The following EPSTI1 variants were observed in gnomAD, a reference collection of about 807,000 sequenced individuals.
The protein encoded by EPSTI1 is epithelial-stromal interaction protein 1.
EPSTI1 carries 66 observed loss-of-function variants against 49.9 expected under a neutral mutation model. That is an observed-to-expected ratio of 1.32 (90% CI 1.08 to 1.62). The LOEUF (loss-of-function observed/expected upper bound fraction) is 1.62. Among genes scored for constraint, EPSTI1 ranks in the 40% most tolerant of loss-of-function variants. The probability of loss-of-function intolerance (pLI) is 0.00; values close to 1 mark genes in which losing one functional copy is unlikely to be tolerated. For missense variants in EPSTI1, 394 were observed against 365.5 expected (o/e 1.08, Z -0.64); for synonymous variants, 137 against 130.7 (o/e 1.05, Z -0.33).
intron 8 of EPSTI1, among the ~76,000 whole-genome samples, chr13:42,908,484 G>GAAAAAAAAAAAAAAAAA (rs140923122): frequency 5.3e-5 from 6 of 113,352 alleles, no homozygotes; most frequent in Non-Finnish European, 7.0e-5. Context: ...ACTCTGTTAT[G>GAAAAAAAAAAAAAAAAA]AAAAAAAAAA....
intron 6 of EPSTI1, among the ~76,000 whole-genome samples, chr13:42,931,032 A>G (rs1232808891): frequency 6.6e-6 from 1 of 152,204 alleles, no homozygotes; most frequent in Non-Finnish European, 1.5e-5. Flanking sequence ...ATTCTGGCCA[A>G]TGAAATGTGA....
chr13:42,895,582 A>G (rs959204953), intron 9 of EPSTI1, among the ~76,000 whole-genome samples: 1 of 152,216 alleles, frequency 6.6e-6, no homozygotes, highest in African/African-American at 2.4e-5. Flanking sequence ...AACCCCATAC[A>G]TGAAAAGCAG....
intron 5 of EPSTI1, 109 bp from the exon 6 acceptor site, chr13:42,954,130 T>G: frequency 2.5e-6 from 2 of 800,972 alleles, no homozygotes; most frequent in Non-Finnish European, 3.9e-6. Flanking sequence ...GCCTTGATAG[T>G]CTAATACAGT....
intron 1 of EPSTI1, among the ~76,000 whole-genome samples, chr13:42,985,356 C>T (rs1439030399): frequency 1.3e-5 from 2 of 152,180 alleles, no homozygotes; most frequent in Non-Finnish European, 2.9e-5. Flanking sequence ...CAGACAGTTG[C>T]TAGGCAGATG....
intron 5 of EPSTI1, 60 bp downstream of exon 5, chr13:42,963,192 ATCT>A (rs2039508041): frequency 1.5e-6 from 2 of 1,354,606 alleles, no homozygotes; most frequent in Non-Finnish European, 1.0e-6. Flanking sequence ...TATAATAAAA[ATCT>A]TCTACAACGA....
intron 1 of EPSTI1, among the ~76,000 whole-genome samples, chr13:42,975,632 G>T (rs935667326): frequency 6.6e-6 from 1 of 152,188 alleles, no homozygotes; most frequent in African/African-American, 2.4e-5. Context: ...GAAAAAAAGT[G>T]CTGCTTCTTT....
At chr13:42,940,833 T>G (rs558602114) in intron 6 of EPSTI1, among the ~76,000 whole-genome samples, 3 of 152,362 alleles carry the variant, frequency 2.0e-5, no homozygotes, top group African/African-American at 7.2e-5. Context: ...AAATCTATAT[T>G]TGTGTTTATC....
chr13:42,975,717 A>G (rs2039868012), intron 1 of EPSTI1, among the ~76,000 whole-genome samples: 1 of 152,208 alleles, frequency 6.6e-6, no homozygotes, highest in African/African-American at 2.4e-5. Flanking sequence ...TTAGCTGGGC[A>G]AGTGTGTGTA....
At position 42,903,671 on chromosome 13, in the gene EPSTI1, A is replaced by T. The variant is rs577646719; in HGVS notation, c.742-3288T>A. On this transcript the variant is annotated intron_variant, in intron 8 of 10. Coordinates refer to ENST00000313624, the MANE Select transcript of EPSTI1 (RefSeq NM_033255.5). ...TGTGCTAAACCAATGCAGGTGACAG[A>T]GTTTCATGAATGATGATGGACTAGC... 6.6e-5 allele frequency among the ~76,000 whole-genome samples: 10 copies of T among 152,340 alleles called. No homozygotes were observed. In the South Asian group the frequency reaches 1.9e-3, roughly 28 times the overall value.
At chr13:42,910,278 T>TTG (rs1491098657) in intron 8 of EPSTI1, among the ~76,000 whole-genome samples, 21 of 116,854 alleles carry the variant, frequency 1.8e-4, no homozygotes, top group African/African-American at 7.0e-4. Context: ...TTTTTTTTTT[T>TTG]GGAACAGAGT....
intron 8 of EPSTI1, among the ~76,000 whole-genome samples, chr13:42,916,564 G>A (rs922819925): frequency 1.3e-5 from 2 of 152,198 alleles, no homozygotes; most frequent in South Asian, 4.1e-4. Flanking sequence ...CACAATTGTT[G>A]TAATAAATTA....
At chr13:42,924,054 T>G (rs2038097930) in intron 7 of EPSTI1, among the ~76,000 whole-genome samples, 1 of 152,222 alleles carries the variant, frequency 6.6e-6, no homozygotes, top group Non-Finnish European at 1.5e-5. Flanking sequence ...TGTCCTCTTT[T>G]TACAAAGAAA....
intron 8 of EPSTI1, 118 bp from the exon 9 acceptor site, chr13:42,900,501 T>C (rs768566682): frequency 6.6e-5 from 60 of 905,248 alleles, no homozygotes; most frequent in Non-Finnish European, 9.8e-5. Flanking sequence ...TTGAAACTTT[T>C]ACTTAAGTAC....
intron 7 of EPSTI1, among the ~76,000 whole-genome samples, chr13:42,924,513 C>T (rs1042292307): frequency 5.9e-5 from 9 of 152,156 alleles, no homozygotes; most frequent in African/African-American, 1.9e-4. Context: ...AGGGAGCCCT[C>T]GAACGGAAAG....
At chr13:42,891,727 G>C (rs2037040732) in intron 10 of EPSTI1, among the ~76,000 whole-genome samples, 1 of 152,114 alleles carries the variant, frequency 6.6e-6, no homozygotes, top group South Asian at 2.1e-4. Context: ...ACAACCACTT[G>C]TTTCCTTGTG....
intron 6 of EPSTI1, among the ~76,000 whole-genome samples, chr13:42,935,474 G>T (rs568502570): frequency 6.6e-6 from 1 of 152,232 alleles, no homozygotes; most frequent in Non-Finnish European, 1.5e-5. Flanking sequence ...GGTGTTTGGG[G>T]ATGGGAGGTA....
At chr13:42,938,735 G>C (rs1368461221) in intron 6 of EPSTI1, among the ~76,000 whole-genome samples, 1 of 151,730 alleles carries the variant, frequency 6.6e-6, no homozygotes, top group Non-Finnish European at 1.5e-5. Flanking sequence ...CCAACATGGT[G>C]AAACACCATC....
intron 1 of EPSTI1, chr13:42,991,167 G>T (rs111265012): frequency 6.6e-6 from 1 of 152,298 alleles, no homozygotes; most frequent in African/African-American, 2.4e-5. Flanking sequence ...TTGCTGGGAC[G>T]TAGGCTTGCT....
Position 42,906,020 on chromosome 13 carries a change from AACATTGG to A in EPSTI1, c.742-5644_742-5638del, listed in dbSNP as rs2037488399. Among the ~76,000 whole-genome samples, 4 of 152,206 alleles carry A rather than the reference AACATTGG, an allele frequency of 2.6e-5. 1 individual carries two copies. The highest frequency in any genetic ancestry group is 2.0e-4 in the Admixed American group (3 of 15,288). On this transcript the variant is annotated intron_variant, in intron 8 of 10. Coordinates refer to ENST00000313624, the MANE Select transcript of EPSTI1 (RefSeq NM_033255.5). ...GATTGAAAGTATGGAACTTCCTACAAACATTGGCCAAGTGGTATGTGGTAAATGAGGA... is the reference window on the plus strand; with the variant it reads ...GATTGAAAGTATGGAACTTCCTACAACCAAGTGGTATGTGGTAAATGAGGA...
Sources: gnomAD v4.1 joint callset for allele counts (sites outside exome capture counted in the v4.1 genomes callset) on GRCh38, gnomAD v4.1.1 for gene constraint, MANE v1.5 for transcripts, NCBI Gene and HGNC (gene_info 2026-07-23, HGNC 2026-07-21) for gene names.